Variants in ZNF783 observed in about 807,000 individuals in gnomAD.
ZNF783 encodes the protein zinc finger protein 783.
In ZNF783, 25 loss-of-function variants were observed where a neutral mutation model predicts 31.3. The observed-to-expected ratio is 0.80, with a 90% CI of 0.58 to 1.11. ZNF783 has a LOEUF of 1.11. Ranked by LOEUF, ZNF783 falls within the 50% of genes most tolerant of loss-of-function variation. The probability of loss-of-function intolerance (pLI) is 0.00; values close to 1 mark genes in which losing one functional copy is unlikely to be tolerated. For synonymous variants in ZNF783, 369 were observed against 319.1 expected (o/e 1.16, Z -1.66); for missense variants, 797 against 760.0 (o/e 1.05, Z -0.57).
intron 4 of ZNF783, among the ~76,000 whole-genome samples, chr7:149,272,506 G>T (rs1481465209): frequency 2.6e-5 from 4 of 152,098 alleles, no homozygotes; most frequent in Non-Finnish European, 5.9e-5. Context: ...CAGTGTAATA[G>T]TAAGAAGTCT....
chr7:149,277,711 C>G (rs1023400260), intron 4 of ZNF783: 2 of 149,114 alleles, frequency 1.3e-5, no homozygotes, highest in Admixed American at 6.7e-5. Context: ...TGCACTCCAG[C>G]CTGGGCAACA....
chr7:149,270,762 G>T (rs1322296970), intron 4 of ZNF783, among the ~76,000 whole-genome samples: 1 of 152,152 alleles, frequency 6.6e-6, no homozygotes, highest in African/African-American at 2.4e-5. Context: ...TCCAGACCTG[G>T]AATCAAAATG....
intron 4 of ZNF783, among the ~76,000 whole-genome samples, chr7:149,271,779 T>G (rs1364200096): frequency 5.3e-5 from 8 of 152,338 alleles, no homozygotes; most frequent in African/African-American, 1.9e-4. Flanking sequence ...CACAGAGATA[T>G]ATTTGTATTC....
chr7:149,281,864 G>C lies in ZNF783; in HGVS notation c.1162G>C (p.Gly388Arg). ...EAPGRSPTSC[G>R]DSQAMLEPGE... ...CCCCGGCCGCTCGCCCACCAGCTGC[G>C]GGGACAGCCAGGCCATGCTGGAGCC... The change falls in exon 6 of 6, where the codon GGG becomes CGG. Residue 388 changes from glycine (G) to arginine (R), a missense_variant. Physicochemically the swap from Gly to Arg is moderately radical, Grantham distance 125. Transcript: ENST00000434415. 1.3e-6 allele frequency: 2 copies of C among 1,499,688 alleles called. No individual in the cohort carries two copies. The highest frequency in any genetic ancestry group is 1.8e-6 in the Non-Finnish European group (2 of 1,133,150). The allele number at this position is 1,499,688 out of a possible 1,614,324, so 92.9% of individuals were successfully genotyped here.
intron 5 of ZNF783, among the ~76,000 whole-genome samples, chr7:149,279,319 CG>C (rs1274846239): frequency 1.3e-5 from 2 of 152,248 alleles, no homozygotes; most frequent in African/African-American, 4.8e-5. Flanking sequence ...AGACCTGGAA[CG>C]GTGTCCGGGA....
In ZNF783 at chr7:149,267,146, G is replaced by A. The variant is rs1178735568; in HGVS notation, c.597G>A (p.Glu199=). 1.9e-6 allele frequency: 3 copies of A among 1,599,578 alleles called. No homozygotes were observed. The highest frequency in any genetic ancestry group is 2.2e-5 in the East Asian group (1 of 44,882). The change falls in exon 4 of 6, where the codon GAG becomes GAA. Residue 199 remains glutamate (E), a synonymous_variant. Coordinates refer to ENST00000434415, the MANE Select transcript of ZNF783 (RefSeq NM_001195220.2). ...TCCTCACCCGGATAGAGAGGGGAGA[G>A]GAGCCTTGTCTTGACCGGTGGGGCC... The part of the protein sequence containing the change: ...PDILTRIERG[E]EPCLDRWGQE...
At chr7:149,269,054 A>G (rs1473720825) in intron 4 of ZNF783, among the ~76,000 whole-genome samples, 2 of 152,212 alleles carry the variant, frequency 1.3e-5, no homozygotes, top group Non-Finnish European at 2.9e-5. Context: ...ACTAACTTAC[A>G]TTCCCATCAA....
chr7:149,268,455 CT>C (rs1797138208), intron 4 of ZNF783, among the ~76,000 whole-genome samples: 1 of 152,124 alleles, frequency 6.6e-6, no homozygotes, highest in African/African-American at 2.4e-5. Context: ...TATAATTCAC[CT>C]GTTAAAGTGT....
chr7:149,263,568 T>C (rs1003204125), intron 1 of ZNF783, among the ~76,000 whole-genome samples: 6 of 152,168 alleles, frequency 3.9e-5, no homozygotes, highest in Admixed American at 3.9e-4. Context: ...AGTATTCCTA[T>C]ACAGAATTTT....
chr7:149,262,704 G>C (rs1385844187), intron 1 of ZNF783, among the ~76,000 whole-genome samples: 1 of 152,236 alleles, frequency 6.6e-6, no homozygotes, highest in Admixed American at 6.5e-5. Flanking sequence ...GGCTGGGCGG[G>C]CAGGGGCCGC....
chr7:149,275,543 TC>T, intron 4 of ZNF783: 1 of 152,330 alleles, frequency 6.6e-6, no homozygotes, highest in East Asian at 1.9e-4. Flanking sequence ...GGTCTCGATT[TC>T]CTGACCTTGT....
rs1198489372 is a variant in ZNF783, at chr7:149,278,942, C to T, written c.802+415C>T. On this transcript the variant is annotated intron_variant, in intron 5 of 5. Coordinates refer to ENST00000434415, the MANE Select transcript of ZNF783 (RefSeq NM_001195220.2). The stretch of plus-strand genomic sequence containing the variant: ...TAAACGCCCTCTTTCTGAAGACCTA[C>T]TGGGAACTCTGGCTTTAGTCATCCT... 1.3e-5 allele frequency among the ~76,000 whole-genome samples: 2 copies of T among 152,214 alleles called. 1 individual carries two copies. The highest frequency in any genetic ancestry group is 2.9e-5 in the Non-Finnish European group (2 of 68,044).
Position 149,266,625 on chromosome 7 carries a change from G to T in ZNF783, c.315G>T (p.Glu105Asp), listed in dbSNP as rs1563194275. Residue 105 changes from glutamate (E) to aspartate (D), a missense_variant, in exon 2 of 6, where the codon GAG (glutamate) becomes GAT (aspartate). Coordinates refer to ENST00000434415, the MANE Select transcript of ZNF783 (RefSeq NM_001195220.2). ...CCGTGCTGGGGACCTTGCTGCAGGA[G>T]TACGGGCTGCTGCAGAGGCGGCTGG... The part of the protein sequence containing the change: ...KWAVLGTLLQ[E>D]YGLLQRRLEN... 1.9e-6 allele frequency: 3 copies of T among 1,614,202 alleles called. No homozygotes were observed. Among genetic ancestry groups the T allele is most frequent in the Non-Finnish European group, 2.5e-6 (3 of 1,180,042 alleles).
In ZNF783 at chr7:149,282,578, C is replaced by A; in HGVS notation, c.*235C>A. The A allele has an allele frequency of 2.1e-6, 1 of 481,732 alleles. No homozygotes were observed. Among genetic ancestry groups the A allele is most frequent in the Non-Finnish European group, 3.6e-6 (1 of 277,818 alleles). 29.8% of individuals were successfully genotyped at this position (481,732 alleles called of 1,614,324 possible). A position where few individuals can be genotyped will look rare whatever the true frequency, so the allele number is the denominator to read the frequency against. ...AAGATGCCTTAAGGCTTAAGGGATG[C>A]CATATTTTTGATAAGGCCTCTGGTA... is the stretch of plus-strand genomic sequence containing the variant. On this transcript the variant is annotated 3_prime_UTR_variant, in exon 6 of 6. Coordinates refer to ENST00000434415, the MANE Select transcript of ZNF783 (RefSeq NM_001195220.2).
chr7:149,282,070 C>A lies in ZNF783; in HGVS notation c.1368C>A (p.Arg456=), dbSNP rs765964907. The stretch of plus-strand genomic sequence containing the variant: ...GCAAGAGCCTGCTGCTGCACCAGCG[C>A]CTGCACACCGGCAATGGCCAGGGCT... ...QQRKSLLLHQ[R]LHTGNGQGWP... is the part of the protein sequence containing the mutation. Residue 456 remains arginine (R), a synonymous_variant, in exon 6 of 6, where the codon CGC becomes CGA. Transcript: ENST00000434415. 6.3e-7 allele frequency: 1 copy of A among 1,595,890 alleles called. No homozygotes were observed. Among genetic ancestry groups the A allele is most frequent in the Non-Finnish European group, 8.5e-7 (1 of 1,178,694 alleles).
chr7:149,282,203 C>T lies in ZNF783; in HGVS notation c.1501C>T (p.Arg501Trp), dbSNP rs375880636. 29 of 1,599,776 alleles carry T rather than the reference C, an allele frequency of 1.8e-5. No homozygotes were observed. Among genetic ancestry groups the T allele is most frequent in the Non-Finnish European group, 2.3e-5 (27 of 1,179,564 alleles). The stretch of plus-strand genomic sequence containing the variant: ...GCCCTACCAGTGCCCCCAGTGTGGC[C>T]GGACCTTCAACCGCAACCACCACCT... ...ERPYQCPQCG[R>W]TFNRNHHLAV... is the part of the protein sequence containing the mutation. Residue 501 changes from arginine (R) to tryptophan (W), a missense_variant, in exon 6 of 6, where the codon CGG becomes TGG. Transcript: ENST00000434415.
At chr7:149,263,261 T>G (rs910656708) in intron 1 of ZNF783, among the ~76,000 whole-genome samples, 2 of 124,486 alleles carry the variant, frequency 1.6e-5, no homozygotes, top group Non-Finnish European at 3.3e-5. Flanking sequence ...AGTATATATA[T>G]ATACGTGTGT....
At position 149,281,605 on chromosome 7, in the gene ZNF783, C is replaced by A. The variant is rs746201321; in HGVS notation, c.903C>A (p.Ile301=). ...CCCGAGGCCAGACCGAGTGTAGAAT[C>A]CCCCGAGGGCCCAGGAACAGGCCTG... ...GVSRGQTECR[I]PRGPRNRPGG... The change falls in exon 6 of 6, where the codon ATC becomes ATA. Residue 301 remains isoleucine, a synonymous_variant. Coordinates refer to ENST00000434415, the MANE Select transcript of ZNF783 (RefSeq NM_001195220.2). 2.6e-6 allele frequency: 4 copies of A among 1,544,142 alleles called. No homozygotes were observed. Among genetic ancestry groups the A allele is most frequent in the Non-Finnish European group, 2.6e-6 (3 of 1,157,422 alleles).
At chr7:149,268,938 T>C (rs1797149677) in intron 4 of ZNF783, among the ~76,000 whole-genome samples, 1 of 152,236 alleles carries the variant, frequency 6.6e-6, no homozygotes, top group African/African-American at 2.4e-5. Flanking sequence ...GGTATAATGA[T>C]CTATTTTCCT....
Sources: gnomAD v4.1 joint callset for allele counts (sites outside exome capture counted in the v4.1 genomes callset) on GRCh38, gnomAD v4.1.1 for gene constraint, MANE v1.5 for transcripts, NCBI Gene and HGNC (gene_info 2026-07-23, HGNC 2026-07-21) for gene names.